EIF4ENIF1: variants seen among roughly 807,000 people sequenced by gnomAD.
EIF4ENIF1 encodes the protein eukaryotic translation initiation factor 4E nuclear import factor 1.
EIF4ENIF1 carries 23 observed loss-of-function variants against 110.5 expected under a neutral mutation model. That is an observed-to-expected ratio of 0.21 (90% CI 0.15 to 0.29). The LOEUF (loss-of-function observed/expected upper bound fraction) is 0.29, where lower values mean the gene tolerates loss of function less well. Among genes scored for constraint, EIF4ENIF1 ranks in the 10% least tolerant of loss-of-function variants. EIF4ENIF1 has a pLI of 1.00. For synonymous variants in EIF4ENIF1, 440 were observed against 437.0 expected (o/e 1.01, Z -0.09); for missense variants, 1,031 against 1,221.1 (o/e 0.84, Z 2.32).
intron 2 of EIF4ENIF1, among the ~76,000 whole-genome samples, chr22:31,485,112 G>A (rs2051970676): frequency 6.6e-6 from 1 of 152,138 alleles, no homozygotes; most frequent in African/African-American, 2.4e-5. Flanking sequence ...AACCATGAAA[G>A]CACTACCCTA....
chr22:31,491,946 A>G (rs1300081788), upstream of EIF4ENIF1, among the ~76,000 whole-genome samples: 2 of 152,170 alleles, frequency 1.3e-5, no homozygotes, highest in African/African-American at 4.8e-5. Flanking sequence ...TTTGCTCTCA[A>G]ATCTGCAAAA....
At chr22:31,446,609 G>A (rs1341392376) in intron 14 of EIF4ENIF1, among the ~76,000 whole-genome samples, 1 of 152,160 alleles carries the variant, frequency 6.6e-6, no homozygotes, top group Non-Finnish European at 1.5e-5. Context: ...GTTCAGGGAT[G>A]TGCATTTTGG....
intron 9 of EIF4ENIF1, 148 bp from the exon 10 acceptor site, chr22:31,454,524 A>G (rs766522204): frequency 4.5e-6 from 3 of 671,268 alleles, no homozygotes; most frequent in East Asian, 2.7e-5. Context: ...AAATAAACTA[A>G]TAACACTTAA....
At chr22:31,452,863 A>T (rs1216462972) in intron 10 of EIF4ENIF1, among the ~76,000 whole-genome samples, 8 of 152,232 alleles carry the variant, frequency 5.3e-5, no homozygotes, top group African/African-American at 1.9e-4. Context: ...CCTCCTTTCA[A>T]GTGTAGGTCA....
At chr22:31,464,999 T>C (rs2051137038) in intron 4 of EIF4ENIF1, among the ~76,000 whole-genome samples, 1 of 151,918 alleles carries the variant, frequency 6.6e-6, no homozygotes, top group South Asian at 2.1e-4. Flanking sequence ...AAAGCATTTT[T>C]CTGATAAAGG....
intron 2 of EIF4ENIF1, among the ~76,000 whole-genome samples, chr22:31,486,472 T>C (rs918782485): frequency 6.7e-6 from 1 of 148,556 alleles, no homozygotes; most frequent in Non-Finnish European, 1.5e-5. Context: ...TCAAAAAAAA[T>C]AATAAACAAA....
At chr22:31,478,324 C>A (rs1437594231) in intron 2 of EIF4ENIF1, among the ~76,000 whole-genome samples, 1 of 151,638 alleles carries the variant, frequency 6.6e-6, no homozygotes. Context: ...AGCAGCCTGG[C>A]CAACATGGTG....
intron 5 of EIF4ENIF1, among the ~76,000 whole-genome samples, chr22:31,463,345 A>G (rs548335068): frequency 2.0e-5 from 3 of 152,102 alleles, no homozygotes; most frequent in African/African-American, 4.8e-5. Flanking sequence ...AAAAAAGTGA[A>G]TATCAAGTCC....
chr22:31,470,254 TA>T (rs60363003), intron 3 of EIF4ENIF1, among the ~76,000 whole-genome samples: 151,103 of 151,110 alleles, frequency 1, 75,548 homozygotes, highest in Non-Finnish European at 1. Flanking sequence ...GGGAATGTGG[TA>T]TGAGGCATCC....
At chr22:31,487,286 T>G (rs1008913309) in intron 2 of EIF4ENIF1, among the ~76,000 whole-genome samples, 7 of 152,174 alleles carry the variant, frequency 4.6e-5, no homozygotes, top group African/African-American at 1.7e-4. Context: ...AAACAGATCA[T>G]CCTAAGAGAG....
chr22:31,466,192 C>T (rs1304836705), intron 4 of EIF4ENIF1, among the ~76,000 whole-genome samples: 1 of 152,280 alleles, frequency 6.6e-6, no homozygotes, highest in East Asian at 1.9e-4. Flanking sequence ...GTGGGTGGAT[C>T]ACTTGAGGTC....
intron 8 of EIF4ENIF1, 83 bp from the exon 9 acceptor site, chr22:31,455,398 T>C (rs1020310805): frequency 2.0e-6 from 2 of 1,003,026 alleles, no homozygotes; most frequent in Non-Finnish European, 1.3e-6. Context: ...TTTCTTTCTT[T>C]TTTTTTTTTT....
Position 31,468,126 on chromosome 22 carries a change from G to A in EIF4ENIF1, c.298+49C>T, listed in dbSNP as rs1471453224. Reference sequence around the variant, plus strand: ...CTAAGAATGAAACCAGCAGGCAAAAGCATGTCCCCAAAATCACTAACCCCA... The same window carrying A: ...CTAAGAATGAAACCAGCAGGCAAAAACATGTCCCCAAAATCACTAACCCCA... On this transcript the variant is annotated intron_variant, in intron 4 of 18. Coordinates refer to ENST00000330125, the MANE Select transcript of EIF4ENIF1 (RefSeq NM_019843.4). 5.0e-6 allele frequency: 8 copies of A among 1,590,910 alleles called. No homozygotes were observed. The East Asian group carries it at 1.6e-4, about 31-fold the overall frequency.
At chr22:31,452,656 C>T (rs1231337628) in intron 10 of EIF4ENIF1, among the ~76,000 whole-genome samples, 2 of 152,268 alleles carry the variant, frequency 1.3e-5, no homozygotes, top group Middle Eastern at 3.4e-3. Flanking sequence ...AGTCAGCACC[C>T]AATCACCAAG....
chr22:31,464,749 T>C (rs912164465), intron 4 of EIF4ENIF1, among the ~76,000 whole-genome samples: 6 of 118,886 alleles, frequency 5.0e-5, no homozygotes, highest in African/African-American at 2.0e-4. Context: ...CAAAAATTAA[T>C]TCAAAATGGA....
chr22:31,439,238 A>T (rs1464077536), downstream of EIF4ENIF1: 1 of 152,492 alleles, frequency 6.6e-6, no homozygotes, highest in African/African-American at 2.4e-5. Context: ...TGAGCCCAGG[A>T]GGTTGAAGCT....
chr22:31,477,366 A>AC (rs1569101715), intron 2 of EIF4ENIF1, among the ~76,000 whole-genome samples: 1 of 135,874 alleles, frequency 7.4e-6, no homozygotes, highest in Non-Finnish European at 1.6e-5. Context: ...CCAAAAAAAA[A>AC]AAAAAAAACA....
Position 31,457,968 on chromosome 22 carries a change from G to A in EIF4ENIF1, c.963+507C>T, listed in dbSNP as rs571916711. Reference sequence around the variant, plus strand: ...TAAAAAGCCAGGTGCGGTGGCTCACGCCTGTAATCCCAGCACTTTGGGAGA... The same window carrying A: ...TAAAAAGCCAGGTGCGGTGGCTCACACCTGTAATCCCAGCACTTTGGGAGA... On this transcript the variant is annotated intron_variant, in intron 7 of 18. Transcript: ENST00000330125. Among the ~76,000 whole-genome samples the A allele has an allele frequency of 3.0e-4, 46 of 152,144 alleles. No individual in the cohort carries two copies. The South Asian group carries it at 9.4e-3, about 31-fold the overall frequency.
Position 31,443,049 on chromosome 22 carries a change from C to T in EIF4ENIF1, c.2119G>A (p.Glu707Lys), listed in dbSNP as rs947466155. The stretch of plus-strand genomic sequence containing the variant: ...TCCTCCTTGCTTTTCTCTTTGCTCT[C>T]GTACATCTTACGAATCACTGAGGTA... ...TPTSVIRKMY[E>K]SKEKSKEEPA... The change falls in exon 16 of 19, where the codon GAG (glutamate) becomes AAG (lysine). Residue 707 changes from glutamate to lysine, a missense_variant. Around this residue, in one of 3 missense-constraint regions of EIF4ENIF1, gnomAD observed 704 missense variants for 879.7 expected, o/e 0.80. Coordinates refer to ENST00000330125, the MANE Select transcript of EIF4ENIF1 (RefSeq NM_019843.4). The T allele has an allele frequency of 1.2e-6, 2 of 1,614,090 alleles. No individual in the cohort carries two copies. The highest frequency in any genetic ancestry group is 1.1e-5 in the South Asian group (1 of 91,060).
Sources: gnomAD v4.1 joint callset for allele counts (sites outside exome capture counted in the v4.1 genomes callset) on GRCh38, gnomAD v4.1.1 for gene constraint, gnomAD v4.1.1 regional missense constraint, MANE v1.5 for transcripts, NCBI Gene and HGNC (gene_info 2026-07-23, HGNC 2026-07-21) for gene names.